The following KIAA1549 variants were observed in gnomAD, a reference collection of about 807,000 sequenced individuals.
KIAA1549 encodes KIAA1549, also known as UPF0606 protein KIAA1549.
In KIAA1549, 70 loss-of-function variants were observed where a neutral mutation model predicts 156.4. The observed-to-expected ratio is 0.45, with a 90% CI of 0.37 to 0.55. The LOEUF (loss-of-function observed/expected upper bound fraction) is 0.55, where lower values mean the gene tolerates loss of function less well. Ranked by LOEUF, KIAA1549 falls within the 20% of genes least tolerant of loss-of-function variation. The pLI is 0.00. For missense variants in KIAA1549, 2,428 were observed against 2,540.9 expected (o/e 0.96, Z 0.96); for synonymous variants, 1,103 against 1,066.4 (o/e 1.03, Z -0.67).
At chr7:138,974,443 T>G (rs1814312536) in intron 1 of KIAA1549, among the ~76,000 whole-genome samples, 2 of 152,230 alleles carry the variant, frequency 1.3e-5, no homozygotes, top group South Asian at 2.1e-4. Context: ...GGTTTGGTTT[T>G]GTTTTTTGAG....
At position 138,844,434 on chromosome 7, in the gene KIAA1549, C is replaced by T; in HGVS notation, c.5335G>A (p.Val1779Met). Residue 1779 changes from valine (V) to methionine (M), a missense_variant, in exon 18 of 20, where the codon GTG becomes ATG. Physicochemically the swap from Val to Met is conservative, Grantham distance 21. This residue lies in a region of KIAA1549 where 363 missense variants were observed against 354.0 expected (regional missense o/e 1.03). Coordinates refer to ENST00000422774, the MANE Select transcript of KIAA1549 (RefSeq NM_001164665.2). ...GPGLLQSTEL[V>M]PPDPQQPQAS... ...TGTGGCTGCTGAGGGTCAGGGGGCA[C>T]CAGCTCTGTAGACTGCAGCAAACCG... is the stretch of plus-strand genomic sequence containing the variant. The T allele has an allele frequency of 1.3e-6, 2 of 1,582,672 alleles. No homozygotes were observed. Among genetic ancestry groups the T allele is most frequent in the African/African-American group, 1.4e-5 (1 of 73,966 alleles).
At chr7:138,927,845 C>T (rs1196201152) in intron 1 of KIAA1549, among the ~76,000 whole-genome samples, 4 of 151,992 alleles carry the variant, frequency 2.6e-5, no homozygotes, top group African/African-American at 9.7e-5. Flanking sequence ...TTTTAATTTG[C>T]ATTTCCCTGA....
chr7:138,912,944 G>C (rs10235163), intron 2 of KIAA1549, among the ~76,000 whole-genome samples: 50,136 of 151,840 alleles, frequency 0.33, 9,064 homozygotes, highest in African/African-American at 0.47. Flanking sequence ...GCGCAATCTT[G>C]GCTCACTGTA....
At position 138,952,325 on chromosome 7, in the gene KIAA1549, T is replaced by C. The variant is rs569438305; in HGVS notation, c.187+28758A>G. On this transcript the variant is annotated intron_variant, in intron 1 of 19. Transcript: ENST00000422774. Reference sequence around the variant, plus strand: ...GGCCTAGAAAAATAAGAATCCGGGATTCTGGATCTAAACAAGATGAGGCAC... The same window carrying C: ...GGCCTAGAAAAATAAGAATCCGGGACTCTGGATCTAAACAAGATGAGGCAC... Among the ~76,000 whole-genome samples the C allele has an allele frequency of 5.1e-4, 78 of 152,298 alleles. 1 individual carries two copies. Among genetic ancestry groups the C allele is most frequent in the African/African-American group, 1.9e-3 (77 of 41,562 alleles).
chr7:138,936,197 T>G (rs958744116), intron 1 of KIAA1549, among the ~76,000 whole-genome samples: 6 of 152,030 alleles, frequency 3.9e-5, no homozygotes, highest in Admixed American at 2.6e-4. Flanking sequence ...ATGATCAAAT[T>G]CAGCAGCCAG....
intron 1 of KIAA1549, among the ~76,000 whole-genome samples, chr7:138,960,247 G>A (rs962326388): frequency 6.6e-6 from 1 of 151,860 alleles, no homozygotes; most frequent in African/African-American, 2.4e-5. Context: ...ACCAGCCTGG[G>A]CAACATAGTG....
At chr7:138,853,524 C>T (rs894236676) in intron 16 of KIAA1549, among the ~76,000 whole-genome samples, 2 of 152,186 alleles carry the variant, frequency 1.3e-5, no homozygotes, top group Non-Finnish European at 2.9e-5. Context: ...TGGAGTCACA[C>T]AGACTGGCTT....
chr7:138,893,946 C>T (rs1811610728), intron 10 of KIAA1549, among the ~76,000 whole-genome samples: 1 of 152,200 alleles, frequency 6.6e-6, no homozygotes, highest in Non-Finnish European at 1.5e-5. Context: ...TGGCACACGC[C>T]TGTAATCTCA....
chr7:138,838,778 C>A (rs998378273), intron 19 of KIAA1549, among the ~76,000 whole-genome samples: 1 of 152,064 alleles, frequency 6.6e-6, no homozygotes, highest in South Asian at 2.1e-4. Flanking sequence ...TATTTGTGAG[C>A]CAAACATGAC....
At chr7:138,937,474 G>T (rs535392263) in intron 1 of KIAA1549, among the ~76,000 whole-genome samples, 6 of 152,288 alleles carry the variant, frequency 3.9e-5, no homozygotes, top group African/African-American at 1.4e-4. Context: ...TGTTAGCCAA[G>T]ATAGAAAGGT....
Position 138,837,479 on chromosome 7 carries a change from A to G in KIAA1549, c.*427T>C, listed in dbSNP as rs977088400. ...ATTAAGCTGTTAATAAAATGTCTTC[A>G]AACCTCTTCTCAGAAAACAAAGCAG... is the stretch of plus-strand genomic sequence containing the variant. On this transcript the variant is annotated 3_prime_UTR_variant, in exon 20 of 20. Transcript: ENST00000422774. 46 of 273,110 alleles carry G rather than the reference A, an allele frequency of 1.7e-4. No homozygotes were observed. The highest frequency in any genetic ancestry group is 1.4e-4 in the Non-Finnish European group (21 of 145,626). The allele number at this position is 273,110 out of a possible 1,614,324, so 16.9% of individuals were successfully genotyped here.
At position 138,917,526 on chromosome 7, in the gene KIAA1549, G is replaced by A. The variant is rs3735012; in HGVS notation, c.2100C>T (p.Ser700=). 4.4e-4 allele frequency: 710 copies of A among 1,613,742 alleles called. 9 individuals are homozygous for A. The East Asian group carries it at 9.8e-3, about 22-fold the overall frequency. The change falls in exon 2 of 20, where the codon TCC becomes TCT. Residue 700 remains serine, a synonymous_variant. Coordinates refer to ENST00000422774, the MANE Select transcript of KIAA1549 (RefSeq NM_001164665.2). Reference sequence around the variant, plus strand: ...ACATGATGGTGTTTAAAGGCAGCTCGGAACTTGGCTGGAGCTGCGAAAACT... The same window carrying A: ...ACATGATGGTGTTTAAAGGCAGCTCAGAACTTGGCTGGAGCTGCGAAAACT... ...NLEFSQLQPS[S]ELPLNTIMLL...
chr7:138,865,979 T>C (rs752275458), intron 15 of KIAA1549, among the ~76,000 whole-genome samples: 1 of 152,076 alleles, frequency 6.6e-6, no homozygotes, highest in African/African-American at 2.4e-5. Context: ...TGGCACAGTT[T>C]ACAAAAGCTC....
intron 17 of KIAA1549, among the ~76,000 whole-genome samples, chr7:138,851,800 G>A (rs1810241874): frequency 6.6e-6 from 1 of 152,152 alleles, no homozygotes; most frequent in Non-Finnish European, 1.5e-5. Flanking sequence ...CTCCCCTCGT[G>A]CTCCCAGCCC....
intron 1 of KIAA1549, among the ~76,000 whole-genome samples, chr7:138,925,127 T>C (rs543790132): frequency 1.3e-5 from 2 of 152,326 alleles, no homozygotes; most frequent in Admixed American, 6.5e-5. Flanking sequence ...AGCGGGAAAC[T>C]GCCCTGCGCT....
rs146678812 is a variant in KIAA1549 at position 138,886,573 on chromosome 7, G to A, written c.4033-4989C>T. On this transcript the variant is annotated intron_variant, in intron 10 of 19. Coordinates refer to ENST00000422774, the MANE Select transcript of KIAA1549 (RefSeq NM_001164665.2). The stretch of plus-strand genomic sequence containing the variant: ...ACTACAGACGTGAGCCACTGAGACC[G>A]GCCTTAAGATCTTTTATAAGCTGAA... 2.0e-3 allele frequency among the ~76,000 whole-genome samples: 305 copies of A among 152,146 alleles called. 2 individuals carry two copies. The highest frequency in any genetic ancestry group is 6.9e-3 in the African/African-American group (287 of 41,492).
intron 1 of KIAA1549, among the ~76,000 whole-genome samples, chr7:138,964,538 T>A (rs1336331579): frequency 6.6e-6 from 1 of 152,252 alleles, no homozygotes; most frequent in Non-Finnish European, 1.5e-5. Context: ...GCATGCACTC[T>A]ATAATTGTTG....
rs1809607409 is a variant in KIAA1549 at position 138,833,633 on chromosome 7, TA to T, written c.*4272del. On this transcript the variant is annotated 3_prime_UTR_variant, in exon 20 of 20. Coordinates refer to ENST00000422774, the MANE Select transcript of KIAA1549 (RefSeq NM_001164665.2). ...TTGGAGAAAAATGTGTAGGTAGCAG[TA>T]AAGAAGCTGAATATATATATAGATA... is the stretch of plus-strand genomic sequence containing the variant. The T allele has an allele frequency of 4.3e-6, 1 of 232,300 alleles. No individual in the cohort carries two copies. The highest frequency in any genetic ancestry group is 5.6e-5 in the Admixed American group (1 of 17,732). 14.4% of individuals were successfully genotyped at this position (232,300 alleles called of 1,614,324 possible).
At chr7:138,843,427 A>G (rs537817929) in intron 18 of KIAA1549, among the ~76,000 whole-genome samples, 7 of 152,270 alleles carry the variant, frequency 4.6e-5, no homozygotes, top group African/African-American at 7.2e-5. Context: ...GGTGCTGTAA[A>G]TTTCTCCTAG....
Sources: allele counts gnomAD v4.1 joint callset (sites outside exome capture counted in the v4.1 genomes callset), GRCh38; gene constraint gnomAD v4.1.1; regional missense constraint gnomAD v4.1.1; transcripts MANE v1.5; gene names NCBI Gene and HGNC (gene_info 2026-07-23, HGNC 2026-07-21).